The following CADM2 variants were observed in gnomAD, a reference collection of about 807,000 sequenced individuals.
CADM2 encodes the protein immunoglobulin superfamily member 4D.
Under a neutral mutation model 49.8 loss-of-function variants are expected in CADM2, and 12 were observed. The observed-to-expected ratio is 0.24, with a 90% CI of 0.15 to 0.39. The LOEUF (loss-of-function observed/expected upper bound fraction) is 0.39. Among genes scored for constraint, CADM2 ranks in the 10% least tolerant of loss-of-function variants. CADM2 has a pLI of 1.00. For missense variants in CADM2, 378 were observed against 492.3 expected, an observed-to-expected ratio of 0.77 and a Z score of 2.20; for synonymous variants, 214 against 175.4, an observed-to-expected ratio of 1.22 and a Z score of -1.74.
intron 1 of CADM2, among the ~76,000 whole-genome samples, chr3:85,106,853 C>A (rs972263890): frequency 6.6e-6 from 1 of 152,084 alleles, no homozygotes; most frequent in African/African-American, 2.4e-5. Context: ...TGGAGAAAGT[C>A]ATTGGCCCAT....
chr3:85,599,953 GA>G, intron 1 of CADM2, among the ~76,000 whole-genome samples: 1 of 151,826 alleles, frequency 6.6e-6, no homozygotes, highest in Middle Eastern at 3.4e-3. Flanking sequence ...GACAACTCTG[GA>G]AATTTTAAAG....
intron 6 of CADM2, among the ~76,000 whole-genome samples, chr3:85,918,468 G>A (rs559640465): frequency 5.9e-5 from 9 of 151,950 alleles, no homozygotes; most frequent in South Asian, 2.1e-4. Flanking sequence ...ATTGATTTTC[G>A]TATGTTGGAC....
intron 1 of CADM2, among the ~76,000 whole-genome samples, chr3:85,605,383 A>T (rs1205935791): frequency 6.6e-6 from 1 of 152,062 alleles, no homozygotes; most frequent in Non-Finnish European, 1.5e-5. Flanking sequence ...AATACTAGTA[A>T]AAGTGCCATT....
intron 1 of CADM2, among the ~76,000 whole-genome samples, chr3:85,633,574 C>T (rs2064373470): frequency 6.6e-6 from 1 of 152,002 alleles, no homozygotes; most frequent in South Asian, 2.1e-4. Flanking sequence ...ACAAGGGCAT[C>T]AGTTTTCTTA....
rs552531164 is a variant in CADM2 at position 85,813,371 on chromosome 3, C to A, written c.238+11175C>A. Among the ~76,000 whole-genome samples, 7 of 152,228 alleles carry A rather than the reference C, an allele frequency of 4.6e-5. No individual in the cohort carries two copies. In the South Asian group the frequency reaches 1.5e-3, roughly 32 times the overall value. ...CTTTTGAGAAGTGTCTGTTTATATGCTTTGCCCACTTTTTGATGGGGTTGT... is the reference window on the plus strand; with the variant it reads ...CTTTTGAGAAGTGTCTGTTTATATGATTTGCCCACTTTTTGATGGGGTTGT... On this transcript the variant is annotated intron_variant, in intron 3 of 9. Transcript: ENST00000383699.
intron 1 of CADM2, among the ~76,000 whole-genome samples, chr3:85,081,441 T>G (rs1559650400): frequency 6.6e-6 from 1 of 152,200 alleles, no homozygotes; most frequent in Non-Finnish European, 1.5e-5. Context: ...TTTGAAATAT[T>G]TGGAAACACT....
intron 1 of CADM2, among the ~76,000 whole-genome samples, chr3:85,524,409 T>G (rs1201731862): frequency 6.6e-6 from 1 of 152,136 alleles, no homozygotes; most frequent in African/African-American, 2.4e-5. Context: ...GTTTTTCATT[T>G]TCATTTAGTT....
intron 8 of CADM2, among the ~76,000 whole-genome samples, chr3:86,057,325 T>C (rs770465741): frequency 1.3e-5 from 2 of 152,222 alleles, no homozygotes; most frequent in Admixed American, 1.3e-4. Context: ...CTTAAGTATA[T>C]GGAAAAATTC....
At chr3:85,948,932 T>C (rs1723064168) in intron 7 of CADM2, among the ~76,000 whole-genome samples, 1 of 151,294 alleles carries the variant, frequency 6.6e-6, no homozygotes, top group South Asian at 2.1e-4. Flanking sequence ...TAAAGACGGA[T>C]AATAGAGCAG....
chr3:86,021,482 C>T (rs1473112723), intron 8 of CADM2, among the ~76,000 whole-genome samples: 1 of 152,078 alleles, frequency 6.6e-6, no homozygotes, highest in African/African-American at 2.4e-5. Context: ...TAATTTTTAA[C>T]AGATTATCTC....
At chr3:85,120,271 G>A (rs2038805607) in intron 1 of CADM2, among the ~76,000 whole-genome samples, 1 of 152,168 alleles carries the variant, frequency 6.6e-6, no homozygotes, top group Non-Finnish European at 1.5e-5. Context: ...GGAAGACAGT[G>A]TGGCGATTCC....
At chr3:85,018,094 A>T (rs1304909187) in intron 1 of CADM2, among the ~76,000 whole-genome samples, 1 of 152,160 alleles carries the variant, frequency 6.6e-6, no homozygotes, top group Non-Finnish European at 1.5e-5. Flanking sequence ...TGAACATGTG[A>T]CCGTTCTATT....
At chr3:85,559,943 C>T (rs1293571119) in intron 1 of CADM2, among the ~76,000 whole-genome samples, 2 of 152,062 alleles carry the variant, frequency 1.3e-5, no homozygotes, top group Non-Finnish European at 2.9e-5. Flanking sequence ...TTTAATAACT[C>T]TCCCTAAAGA....
chr3:85,453,043 A>G (rs1376534368), intron 1 of CADM2, among the ~76,000 whole-genome samples: 1 of 152,194 alleles, frequency 6.6e-6, no homozygotes, highest in Non-Finnish European at 1.5e-5. Context: ...GTGTACTACT[A>G]GTAGTTCACA....
intron 1 of CADM2, among the ~76,000 whole-genome samples, chr3:85,612,729 T>A (rs2063710294): frequency 6.6e-6 from 1 of 151,792 alleles, no homozygotes; most frequent in African/African-American, 2.4e-5. Flanking sequence ...GTAATATGTT[T>A]GTCATGAGGG....
chr3:85,541,836 C>T (rs1460555026), intron 1 of CADM2, among the ~76,000 whole-genome samples: 1 of 143,694 alleles, frequency 7.0e-6, no homozygotes, highest in Non-Finnish European at 1.5e-5. Flanking sequence ...ATAAGAGGCC[C>T]CTAAATATCC....
At chr3:85,143,082 G>A (rs1389909684) in intron 1 of CADM2, among the ~76,000 whole-genome samples, 1 of 152,066 alleles carries the variant, frequency 6.6e-6, no homozygotes, top group Non-Finnish European at 1.5e-5. Context: ...CAAATCAAAA[G>A]TATACAAACA....
chr3:85,221,453 C>T (rs2042042479), intron 1 of CADM2, among the ~76,000 whole-genome samples: 1 of 152,024 alleles, frequency 6.6e-6, no homozygotes. Context: ...CTCTTCACAC[C>T]ATCTAATTTC....
At chr3:85,467,397 CAT>C (rs2038545580) in intron 1 of CADM2, among the ~76,000 whole-genome samples, 2 of 152,010 alleles carry the variant, frequency 1.3e-5, no homozygotes, top group African/African-American at 4.8e-5. Flanking sequence ...AAATGCATAA[CAT>C]ATTATAATAT....
Sources: allele counts gnomAD v4.1 joint callset (sites outside exome capture counted in the v4.1 genomes callset), GRCh38; gene constraint gnomAD v4.1.1; transcripts MANE v1.5; gene names NCBI Gene and HGNC (gene_info 2026-07-23, HGNC 2026-07-21).